Variants in ULK4 observed in about 807,000 individuals in gnomAD.
The protein encoded by ULK4 is unc-51 like kinase 4, also known as inactive serine/threonine-protein kinase ULK4.
ULK4 carries 133 observed loss-of-function variants against 160.6 expected under a neutral mutation model. The observed-to-expected ratio is 0.83, with a 90% CI of 0.72 to 0.96. The LOEUF (loss-of-function observed/expected upper bound fraction) is 0.96. ULK4 is among the 40% of genes least tolerant of loss of function. The probability of loss-of-function intolerance (pLI) is 0.00; values close to 1 mark genes in which losing one functional copy is unlikely to be tolerated. For synonymous variants in ULK4, 534 were observed against 539.8 expected (o/e 0.99, Z 0.15); for missense variants, 1,580 against 1,499.5 (o/e 1.05, Z -0.89).
intron 22 of ULK4, among the ~76,000 whole-genome samples, chr3:41,730,952 A>AG (rs1453068223): frequency 6.6e-6 from 1 of 152,172 alleles, no homozygotes; most frequent in Non-Finnish European, 1.5e-5. Context: ...CAATACATGC[A>AG]GGGAAAAAAC....
At chr3:41,932,920 T>C (rs1699644727) in intron 4 of ULK4, among the ~76,000 whole-genome samples, 1 of 152,154 alleles carries the variant, frequency 6.6e-6, no homozygotes, top group African/African-American at 2.4e-5. Context: ...GGCAGGCACC[T>C]ATAATCCCAG....
chr3:41,808,152 T>C (rs1455272525), intron 19 of ULK4, among the ~76,000 whole-genome samples: 1 of 152,144 alleles, frequency 6.6e-6, no homozygotes, highest in Non-Finnish European at 1.5e-5. Flanking sequence ...GTATCCTCTA[T>C]CCTAGTTCTT....
At chr3:41,361,556 A>C (rs1431455209) in intron 35 of ULK4, among the ~76,000 whole-genome samples, 1 of 152,230 alleles carries the variant, frequency 6.6e-6, no homozygotes, top group Non-Finnish European at 1.5e-5. Context: ...AAAGCTATAC[A>C]GTTAAAAGTA....
intron 35 of ULK4, among the ~76,000 whole-genome samples, chr3:41,279,273 AAAC>A (rs1423330230): frequency 2.7e-5 from 4 of 147,134 alleles, no homozygotes; most frequent in African/African-American, 7.9e-5. Context: ...AAAAAAAAAA[AAAC>A]AAAACGACAA....
chr3:41,903,586 A>C (rs1233360138), intron 12 of ULK4, among the ~76,000 whole-genome samples: 46 of 76,474 alleles, frequency 6.0e-4, no homozygotes, highest in African/African-American at 1.4e-3. Flanking sequence ...CTCTGTCTCA[A>C]AGAAAAAAAA....
chr3:41,551,536 C>T (rs969414990), intron 32 of ULK4, among the ~76,000 whole-genome samples: 3 of 151,600 alleles, frequency 2.0e-5, no homozygotes, highest in African/African-American at 7.3e-5. Context: ...TAGACAAATT[C>T]CTAGGCATAT....
rs527634685 is a variant in ULK4, at chr3:41,705,641, C to T, written c.2635-336G>A. 1.1e-3 allele frequency among the ~76,000 whole-genome samples: 165 copies of T among 152,172 alleles called. 1 individual carries two copies. The highest frequency in any genetic ancestry group is 1.5e-3 in the Non-Finnish European group (99 of 68,014). The stretch of plus-strand genomic sequence containing the variant: ...CCTCCTGAGTATCTGGGATTACAGG[C>T]ATGTGCCACCACGCCTGGCTAATTT... On this transcript the variant is annotated intron_variant, in intron 25 of 36. Coordinates refer to ENST00000301831, the MANE Select transcript of ULK4 (RefSeq NM_017886.4).
rs1304395822 is a variant in ULK4, at chr3:41,931,987, C to G, written c.398G>C (p.Gly133Ala). The change falls in exon 5 of 37, where the codon GGC (glycine) becomes GCC (alanine). Residue 133 changes from glycine (G) to alanine (A), a missense_variant. Transcript: ENST00000301831. ...GCAAAAGTTGCTAAACTTCAGTGTG[C>G]CAGGCCCTTCCAAGAGTATCTATGA... The part of the protein sequence containing the change: ...SPRKILLEGP[G>A]TLKFSNFCLA... 2 of 1,613,936 alleles carry G rather than the reference C, an allele frequency of 1.2e-6. No homozygotes were observed. The highest frequency in any genetic ancestry group is 2.2e-5 in the South Asian group (2 of 91,046).
intron 29 of ULK4, among the ~76,000 whole-genome samples, chr3:41,670,901 AC>A (rs780574372): frequency 3.7e-4 from 57 of 152,144 alleles, no homozygotes; most frequent in Non-Finnish European, 5.7e-4. Context: ...CCTACTGTTA[AC>A]TCCCAAACTA....
At chr3:41,358,526 G>GT (rs1412771375) in intron 35 of ULK4, among the ~76,000 whole-genome samples, 3 of 152,140 alleles carry the variant, frequency 2.0e-5, no homozygotes, top group African/African-American at 7.2e-5. Flanking sequence ...TGACATGTGA[G>GT]TAAAGACCTG....
At chr3:41,930,694 C>T (rs1716989) in intron 5 of ULK4, among the ~76,000 whole-genome samples, 110,995 of 151,930 alleles carry the variant, frequency 0.73, 42,149 homozygotes, top group East Asian at 0.83. Context: ...TGAACAGACA[C>T]TTCTCAAAAT....
rs377520135 is a variant in ULK4 at position 41,715,459 on chromosome 3, G to C, written c.2565C>G (p.Leu855=). Residue 855 remains leucine (L), a synonymous_variant, in exon 24 of 37, where the codon CTC becomes CTG. Transcript: ENST00000301831. ...CLPLMPVVLH[L]VTSQVFRPQV... is the part of the protein sequence containing the mutation. ...AATACAATAGTACCTGTGAAGTTAC[G>C]AGGTGAAGCACTACAGGCATCAGGG... 139 of 1,613,970 alleles carry C rather than the reference G, an allele frequency of 8.6e-5. No individual in the cohort carries two copies. The highest frequency in any genetic ancestry group is 3.3e-4 in the Middle Eastern group (2 of 6,074).
At chr3:41,248,508 C>T (rs553272762) in intron 36 of ULK4, among the ~76,000 whole-genome samples, 2 of 152,328 alleles carry the variant, frequency 1.3e-5, no homozygotes, top group Admixed American at 6.5e-5. Context: ...ATGGTATCCT[C>T]CCCTCTCACC....
chr3:41,431,629 A>C (rs1160926574), intron 34 of ULK4, among the ~76,000 whole-genome samples: 3 of 143,918 alleles, frequency 2.1e-5, no homozygotes, highest in African/African-American at 7.8e-5. Flanking sequence ...AAGCCTACTC[A>C]ACCACACTTA....
intron 2 of ULK4, among the ~76,000 whole-genome samples, chr3:41,942,732 G>A (rs541758204): frequency 1.1e-4 from 17 of 151,964 alleles, no homozygotes; most frequent in African/African-American, 3.9e-4. Flanking sequence ...CAGGAGAATC[G>A]CTTGAACCCG....
At chr3:41,368,150 C>G (rs1222969924) in intron 35 of ULK4, among the ~76,000 whole-genome samples, 1 of 151,844 alleles carries the variant, frequency 6.6e-6, no homozygotes. Flanking sequence ...GGGGTTAACG[C>G]CATTCTCCTG....
chr3:41,767,770 C>G (rs2039215391), intron 21 of ULK4, among the ~76,000 whole-genome samples: 1 of 152,084 alleles, frequency 6.6e-6, no homozygotes, highest in East Asian at 1.9e-4. Flanking sequence ...TTTCCTACAG[C>G]TGGTAGGAAA....
At chr3:41,821,250 C>T (rs562795173) in intron 18 of ULK4, among the ~76,000 whole-genome samples, 1 of 152,196 alleles carries the variant, frequency 6.6e-6, no homozygotes, top group African/African-American at 2.4e-5. Flanking sequence ...TGCTCTCAGA[C>T]AACTGGGCCC....
intron 35 of ULK4, among the ~76,000 whole-genome samples, chr3:41,332,181 A>G (rs969211946): frequency 2.0e-4 from 31 of 151,802 alleles, no homozygotes; most frequent in African/African-American, 6.8e-4. Context: ...GATTGCTCTA[A>G]TAAGCAGAGA....
Sources: allele counts gnomAD v4.1 joint callset (sites outside exome capture counted in the v4.1 genomes callset), GRCh38; gene constraint gnomAD v4.1.1; transcripts MANE v1.5; gene names NCBI Gene and HGNC (gene_info 2026-07-23, HGNC 2026-07-21).